Variants in FSIP2 observed in about 807,000 individuals in gnomAD.
The protein encoded by FSIP2 is fibrous sheath-interacting protein 2.
In FSIP2, 367 loss-of-function variants were observed where a neutral mutation model predicts 510.5. That is an observed-to-expected ratio of 0.72 (90% CI 0.66 to 0.78). FSIP2 has a LOEUF of 0.78. FSIP2 is among the 30% of genes least tolerant of loss of function. The pLI is 0.00. For synonymous variants in FSIP2, 2,601 were observed against 2,732.2 expected, an observed-to-expected ratio of 0.95 and a Z score of 1.50; for missense variants, 7,594 against 7,901.7, an observed-to-expected ratio of 0.96 and a Z score of 1.48.
intron 8 of FSIP2, among the ~76,000 whole-genome samples, chr2:185,754,368 T>C (rs939157989): frequency 6.6e-6 from 1 of 151,496 alleles, no homozygotes; most frequent in Admixed American, 6.6e-5. Context: ...TAAAATTTCA[T>C]GGCCAGAATG....
At chr2:185,814,294 A>C (rs941650905) in intron 18 of FSIP2, among the ~76,000 whole-genome samples, 1 of 152,084 alleles carries the variant, frequency 6.6e-6, no homozygotes, top group East Asian at 1.9e-4. Flanking sequence ...CCAGTTAAGA[A>C]AAATGTAAGC....
chr2:185,741,221 A>G (rs2105525253), intron 2 of FSIP2, among the ~76,000 whole-genome samples: 1 of 152,234 alleles, frequency 6.6e-6, no homozygotes, highest in East Asian at 1.9e-4. Flanking sequence ...CTTGTCTACT[A>G]CTTTTCAAAA....
At position 185,805,760 on chromosome 2, in the gene FSIP2, G is replaced by A. The variant is rs765863200; in HGVS notation, c.16454G>A (p.Gly5485Asp). 6.9e-6 allele frequency: 11 copies of A among 1,600,502 alleles called. No homozygotes were observed. Among genetic ancestry groups the A allele is most frequent in the Non-Finnish European group, 8.5e-6 (10 of 1,175,734 alleles). ...FKTKDTSVKK[G>D]DIQNPVLSSI... The stretch of plus-strand genomic sequence containing the variant: ...ACCAAGGACACATCAGTGAAAAAAG[G>A]TGACATCCAAAATCCAGTACTTAGC... Residue 5485 changes from glycine (G) to aspartate (D), a missense_variant, in exon 17 of 23, where the codon GGT becomes GAT. Gly to Asp is a moderately conservative substitution (Grantham distance 94, BLOSUM62 -1). Coordinates refer to ENST00000424728, the MANE Select transcript of FSIP2 (RefSeq NM_173651.4).
chr2:185,777,527 T>G (rs1041247938), intron 13 of FSIP2, among the ~76,000 whole-genome samples: 1 of 152,002 alleles, frequency 6.6e-6, no homozygotes, highest in Admixed American at 6.6e-5. Flanking sequence ...TTAAGTATGA[T>G]ATGTACTGTG....
At position 185,791,528 on chromosome 2, in the gene FSIP2, G is replaced by C. The variant is rs1436383204; in HGVS notation, c.4392G>C (p.Glu1464Asp). 1 of 1,534,326 alleles carries C rather than the reference G, an allele frequency of 6.5e-7. No individual in the cohort carries two copies. The highest frequency in any genetic ancestry group is 2.0e-5 in the Admixed American group (1 of 50,830). ...TATCTTGTAGTCAACAAAGCAGAGAGATGACCAATAAGAATCAGAAAATGG... is the reference window on the plus strand; with the variant it reads ...TATCTTGTAGTCAACAAAGCAGAGACATGACCAATAAGAATCAGAAAATGG... ...SQLSCSQQSR[E>D]MTNKNQKMAA... Residue 1464 changes from glutamate to aspartate, a missense_variant, in exon 16 of 23, where the codon GAG (glutamate) becomes GAC (aspartate). Glu to Asp is a conservative substitution (Grantham distance 45). Transcript: ENST00000424728.
chr2:185,816,879 G>C (rs994875331), intron 19 of FSIP2, among the ~76,000 whole-genome samples: 3 of 127,994 alleles, frequency 2.3e-5, no homozygotes, highest in Non-Finnish European at 3.4e-5. Flanking sequence ...GAGAGAGAGA[G>C]AAGACGAAAG....
chr2:185,795,823 A>G lies in FSIP2; in HGVS notation c.8687A>G (p.Tyr2896Cys), dbSNP rs969315793. 19 of 1,533,860 alleles carry G rather than the reference A, an allele frequency of 1.2e-5. No individual in the cohort carries two copies. Among genetic ancestry groups the G allele is most frequent in the Non-Finnish European group, 1.7e-5 (19 of 1,145,444 alleles). The change falls in exon 16 of 23, where the codon TAT becomes TGT. Residue 2896 changes from tyrosine to cysteine, a missense_variant. Coordinates refer to ENST00000424728, the MANE Select transcript of FSIP2 (RefSeq NM_173651.4). ...CTTGAGAATTGTGAAAGCAGGTTTT[A>G]TAATCATTTTAAAGGAGCTTCTACT... Reference protein sequence around the residue: ...PPLENCESRFYNHFKGASTRA... With the variant: ...PPLENCESRFCNHFKGASTRA...
intron 21 of FSIP2, among the ~76,000 whole-genome samples, chr2:185,828,696 C>T (rs184110866): frequency 5.3e-5 from 8 of 151,950 alleles, no homozygotes; most frequent in Non-Finnish European, 8.8e-5. Context: ...TTCCAAAAAG[C>T]CCACCTACTC....
At chr2:185,772,852 C>CTTT (rs1323241748) in intron 13 of FSIP2, among the ~76,000 whole-genome samples, 1 of 148,434 alleles carries the variant, frequency 6.7e-6, no homozygotes, top group Non-Finnish European at 1.5e-5. Flanking sequence ...CCTTTCTTTT[C>CTTT]TTTTGTTTTT....
At chr2:185,742,322 A>G (rs904591449) in intron 2 of FSIP2, among the ~76,000 whole-genome samples, 3 of 152,226 alleles carry the variant, frequency 2.0e-5, no homozygotes, top group African/African-American at 7.2e-5. Flanking sequence ...CTAATGTTTT[A>G]ATTCATGGTG....
In FSIP2 at chr2:185,792,578, T is replaced by TG; in HGVS notation, c.5443dup (p.Asp1815GlyfsTer2). The TG allele has an allele frequency of 6.5e-7, 1 of 1,534,002 alleles. No homozygotes were observed. Among genetic ancestry groups the TG allele is most frequent in the Non-Finnish European group, 8.7e-7 (1 of 1,145,448 alleles). ...ATTTTAATGGCATGCCTCACAATGT[T>TG]GATGAGCCAACTCCCCAAACATCTG... On this transcript the variant is annotated frameshift_variant, in exon 16 of 23. Coordinates refer to ENST00000424728, the MANE Select transcript of FSIP2 (RefSeq NM_173651.4). LOFTEE classifies it high-confidence loss of function.
rs764207499 is a variant in FSIP2 at position 185,813,662 on chromosome 2, G to A, written c.19945G>A (p.Asp6649Asn). The A allele has an allele frequency of 6.2e-7, 1 of 1,607,708 alleles. No individual in the cohort carries two copies. The highest frequency in any genetic ancestry group is 1.1e-5 in the South Asian group (1 of 90,030). Residue 6649 changes from aspartate to asparagine, a missense_variant, in exon 18 of 23, where the codon GAT (aspartate) becomes AAT (asparagine). Coordinates refer to ENST00000424728, the MANE Select transcript of FSIP2 (RefSeq NM_173651.4). The part of the protein sequence containing the change: ...LIVRLVAHDI[D>N]QVYLENYIKE... ...TGTTCGATTAGTAGCTCATGATATT[G>A]ATCAAGTGTATTTGGAAAATTACAT...
chr2:185,753,618 G>A lies in FSIP2; in HGVS notation c.871-104G>A, dbSNP rs527449262. 18 of 574,686 alleles carry A rather than the reference G, an allele frequency of 3.1e-5. 1 individual carries two copies. Among genetic ancestry groups the A allele is most frequent in the African/African-American group, 2.9e-4 (15 of 51,726 alleles). The allele number at this position is 574,686 out of a possible 1,614,324, so 35.6% of individuals were successfully genotyped here. On this transcript the variant is annotated intron_variant, in intron 7 of 22. Transcript: ENST00000424728. The stretch of plus-strand genomic sequence containing the variant: ...TTTGTACCATTACAAATCAAGACAG[G>A]ACTGATTATCCATTTTCAAAATATT...
chr2:185,824,520 T>C (rs1693980852), intron 20 of FSIP2, 40 bp downstream of exon 20: 4 of 1,167,836 alleles, frequency 3.4e-6, no homozygotes, highest in Non-Finnish European at 5.0e-6. Flanking sequence ...TATTTTTTAC[T>C]ACTTTGATGT....
intron 7 of FSIP2, among the ~76,000 whole-genome samples, chr2:185,750,641 C>A (rs1401369420): frequency 5.5e-5 from 6 of 108,350 alleles, no homozygotes; most frequent in Non-Finnish European, 1.0e-4. Flanking sequence ...CTGTTCTGAT[C>A]TTTTTGTTAA....
chr2:185,785,704 G>A (rs1251277417), intron 14 of FSIP2, among the ~76,000 whole-genome samples: 1 of 152,004 alleles, frequency 6.6e-6, no homozygotes, highest in Non-Finnish European at 1.5e-5. Flanking sequence ...TAAAAGGAAT[G>A]CATCTAAATT....
rs956274881 is a variant in FSIP2 at position 185,789,734 on chromosome 2, A to G, written c.2598A>G (p.Gln866=). 2 of 1,534,362 alleles carry G rather than the reference A, an allele frequency of 1.3e-6. No individual in the cohort carries two copies. Among genetic ancestry groups the G allele is most frequent in the African/African-American group, 2.7e-5 (2 of 72,926 alleles). ...HKTDPICMFL[Q]RAGKNKSSLE... ...CAGACCCAATATGTATGTTCCTTCA[A>G]AGAGCTGGCAAAAATAAATCTAGTC... The change falls in exon 16 of 23, where the codon CAA becomes CAG. Residue 866 remains glutamine (Q), a synonymous_variant. Coordinates refer to ENST00000424728, the MANE Select transcript of FSIP2 (RefSeq NM_173651.4).
In FSIP2 at chr2:185,824,466, C is replaced by T; in HGVS notation, c.20459C>T (p.Ala6820Val). Residue 6820 changes from alanine to valine, a missense_variant, in exon 20 of 23, where the codon GCT becomes GTT. Transcript: ENST00000424728. ...EAEDCHSDPS[A>V]KILEESSQEQ... The stretch of plus-strand genomic sequence containing the variant: ...GAAGATTGTCACTCAGACCCAAGTG[C>T]TAAAATATTAGAAGGTTGGACTCCT... 6.3e-7 allele frequency: 1 copy of T among 1,584,820 alleles called. No homozygotes were observed. The highest frequency in any genetic ancestry group is 8.6e-7 in the Non-Finnish European group (1 of 1,162,356).
intron 13 of FSIP2, among the ~76,000 whole-genome samples, chr2:185,772,284 C>T (rs745476709): frequency 2.6e-5 from 4 of 152,148 alleles, no homozygotes; most frequent in Admixed American, 6.6e-5. Flanking sequence ...AAGCTGCCTC[C>T]ATGTTTTCAT....
Sources: gnomAD v4.1 joint callset for allele counts (sites outside exome capture counted in the v4.1 genomes callset) on GRCh38, gnomAD v4.1.1 for gene constraint, MANE v1.5 for transcripts, NCBI Gene and HGNC (gene_info 2026-07-23, HGNC 2026-07-21) for gene names.